TEX14: variants seen among roughly 807,000 people sequenced by gnomAD.
TEX14 encodes the protein testis expressed 14, intercellular bridge forming factor.
TEX14 carries 168 observed loss-of-function variants against 178.6 expected under a neutral mutation model. That is an observed-to-expected ratio of 0.94 (90% CI 0.83 to 1.07). TEX14 has a LOEUF of 1.07. Ranked by LOEUF, TEX14 falls within the 50% of genes least tolerant of loss-of-function variation. TEX14 has a pLI of 0.00. For synonymous variants in TEX14, 626 were observed against 634.1 expected, an observed-to-expected ratio of 0.99 and a Z score of 0.19; for missense variants, 1,730 against 1,753.6, an observed-to-expected ratio of 0.99 and a Z score of 0.24.
chr17:58,572,504 C>T lies in TEX14; in HGVS notation c.3512-378G>A, dbSNP rs930936615. Among the ~76,000 whole-genome samples the T allele has an allele frequency of 3.9e-5, 6 of 151,920 alleles. No homozygotes were observed. In the South Asian group the frequency reaches 6.2e-4, roughly 16 times the overall value. On this transcript the variant is annotated intron_variant, in intron 23 of 31. Transcript: ENST00000349033. The stretch of plus-strand genomic sequence containing the variant: ...AACATTAGCTGGGTGCGGTGGCGGG[C>T]GCCTGTAGTCCCAGCTACTCGGGAG...
In TEX14 at chr17:58,601,974, T is replaced by C. The variant is rs773830969; in HGVS notation, c.1528-18A>G. 6 of 1,612,154 alleles carry C rather than the reference T, an allele frequency of 3.7e-6. No individual in the cohort carries two copies. The highest frequency in any genetic ancestry group is 1.3e-5 in the African/African-American group (1 of 74,834). ...GTAAAATCCTGTAACACAGGAAATA[T>C]TGTCAAGGACATAGTCTCAGTCATC... On this transcript the variant is annotated intron_variant, in intron 12 of 31. Transcript: ENST00000349033.
intron 20 of TEX14, among the ~76,000 whole-genome samples, chr17:58,578,895 A>C (rs778173383): frequency 6.6e-6 from 1 of 152,356 alleles, no homozygotes; most frequent in African/African-American, 2.4e-5. Flanking sequence ...AGTTCATAAC[A>C]CTACGCTGTT....
At chr17:58,616,362 T>C (rs758553413) in intron 6 of TEX14, 57 bp from the exon 7 acceptor site, 9 of 1,578,952 alleles carry the variant, frequency 5.7e-6, no homozygotes, top group Non-Finnish European at 7.7e-6. Flanking sequence ...GCAGAATACA[T>C]CCAGAATCTT....
chr17:58,569,195 T>C lies in TEX14; in HGVS notation c.3883A>G (p.Ile1295Val). ...TTCTGTATTGAACATCTCTTACCAA[T>C]GTCATCAAGTAGCTCCTGAGATGGT... Reference protein sequence around the residue: ...PPPSQELLDDIELLKQQQGSS... With the variant: ...PPPSQELLDDVELLKQQQGSS... The change falls in exon 26 of 32, where the codon ATT (isoleucine) becomes GTT (valine). Residue 1295 changes from isoleucine to valine, a missense_variant. Physicochemically the swap from Ile to Val is conservative, Grantham distance 29 (BLOSUM62 3). This residue lies in a region of TEX14 where 941 missense variants were observed against 1,072.4 expected (regional missense o/e 0.88). Transcript: ENST00000349033. The surrounding 1 kb of genome is among the most constrained non-coding windows in gnomAD (Gnocchi z 4.1). The C allele has an allele frequency of 6.2e-7, 1 of 1,613,250 alleles. No homozygotes were observed. The highest frequency in any genetic ancestry group is 8.5e-7 in the Non-Finnish European group (1 of 1,179,212).
chr17:58,631,717 C>G lies in TEX14; in HGVS notation c.137-1163G>C, dbSNP rs1326061068. 6.7e-5 allele frequency: 10 copies of G among 150,154 alleles called. No homozygotes were observed. The South Asian group carries it at 1.5e-3, about 22-fold the overall frequency. 9.3% of individuals were successfully genotyped at this position (150,154 alleles called of 1,614,324 possible). ...AGTTAGAATAACGCAACACCAAACA[C>G]TGCTATCCCACTCGTGAGAGAACAC... On this transcript the variant is annotated intron_variant, in intron 2 of 31. Coordinates refer to ENST00000349033, the MANE Select transcript of TEX14 (RefSeq NM_031272.5).
chr17:58,648,375 A>T (rs2046761404), intron 2 of TEX14, among the ~76,000 whole-genome samples: 1 of 152,134 alleles, frequency 6.6e-6, no homozygotes. Context: ...CTTCCTTCAC[A>T]GGTAGAATCC....
At chr17:58,608,099 A>T (rs144226470) in intron 10 of TEX14, among the ~76,000 whole-genome samples, 2 of 152,132 alleles carry the variant, frequency 1.3e-5, no homozygotes, top group Non-Finnish European at 2.9e-5. Context: ...CCTGGGCAAC[A>T]TGGCGTGACC....
intron 23 of TEX14, 110 bp from the exon 24 acceptor site, chr17:58,572,236 G>A: frequency 1.5e-6 from 1 of 677,432 alleles, no homozygotes; most frequent in Non-Finnish European, 2.5e-6. Context: ...GTGCAGAAAT[G>A]AATCTTTTAC....
At chr17:58,684,258 A>C (rs1237854864) in intron 1 of TEX14, among the ~76,000 whole-genome samples, 1 of 151,010 alleles carries the variant, frequency 6.6e-6, no homozygotes, top group East Asian at 2.0e-4. Flanking sequence ...GGTCAGGAGC[A>C]TGAGACCAGC....
chr17:58,595,910 C>T (rs1001632559), intron 14 of TEX14, among the ~76,000 whole-genome samples: 5 of 152,210 alleles, frequency 3.3e-5, no homozygotes, highest in South Asian at 2.1e-4. Flanking sequence ...TCAGGCCGGG[C>T]GCGGTCGCTC....
chr17:58,615,953 G>A (rs1035670111), intron 7 of TEX14, among the ~76,000 whole-genome samples: 7 of 152,136 alleles, frequency 4.6e-5, no homozygotes, highest in Admixed American at 4.6e-4. Context: ...TAGAGACCAG[G>A]GACTTCTAAA....
In TEX14 at chr17:58,599,497, G is replaced by A; in HGVS notation, c.1848C>T (p.Ser616=). ...TCTCGTTGATTTCGAAACTGCAGAG[G>A]CTTGGCTGACCTGTGCTGGGGCTGC... The part of the protein sequence containing the change: ...EASSPSTGQP[S]LCSFEINEIY... The change falls in exon 14 of 32, where the codon AGC becomes AGT. Residue 616 remains serine (S), a synonymous_variant. Transcript: ENST00000349033. 6.3e-7 allele frequency: 1 copy of A among 1,598,130 alleles called. No homozygotes were observed.
At chr17:58,683,579 A>G (rs1293778242) in intron 1 of TEX14, among the ~76,000 whole-genome samples, 2 of 148,238 alleles carry the variant, frequency 1.3e-5, no homozygotes, top group African/African-American at 5.0e-5. Flanking sequence ...CCTGGTCAAC[A>G]TGGTGAAAAC....
chr17:58,569,175 T>C lies in TEX14; in HGVS notation c.3886+17A>G, dbSNP rs760507615. On this transcript the variant is annotated intron_variant, in intron 26 of 31. Coordinates refer to ENST00000349033, the MANE Select transcript of TEX14 (RefSeq NM_031272.5). This position sits in a 1 kb window ranked among gnomAD's most constrained non-coding sequence, Gnocchi z 4.1. Reference sequence around the variant, plus strand: ...TAACAGGGCCGAGAAGTATATTCTGTATTGAACATCTCTTACCAATGTCAT... The same window carrying C: ...TAACAGGGCCGAGAAGTATATTCTGCATTGAACATCTCTTACCAATGTCAT... The C allele has an allele frequency of 6.2e-7, 1 of 1,605,686 alleles. No individual in the cohort carries two copies. The highest frequency in any genetic ancestry group is 2.2e-5 in the East Asian group (1 of 44,838).
chr17:58,684,533 G>A (rs2047558425), intron 1 of TEX14, among the ~76,000 whole-genome samples: 1 of 151,594 alleles, frequency 6.6e-6, no homozygotes, highest in Admixed American at 6.6e-5. Flanking sequence ...TACTCTGGAG[G>A]CTGAGGCAGG....
intron 2 of TEX14, among the ~76,000 whole-genome samples, chr17:58,649,576 C>G (rs1000601930): frequency 6.6e-6 from 1 of 151,926 alleles, no homozygotes; most frequent in Non-Finnish European, 1.5e-5. Flanking sequence ...GAATATCAAG[C>G]ATTTGAAGAT....
chr17:58,587,135 G>A (rs1212535385), intron 17 of TEX14, among the ~76,000 whole-genome samples: 1 of 152,126 alleles, frequency 6.6e-6, no homozygotes, highest in Non-Finnish European at 1.5e-5. Context: ...TTAGAAGTAT[G>A]GTGATGTATT....
intron 17 of TEX14, among the ~76,000 whole-genome samples, chr17:58,587,161 G>A (rs1290156517): frequency 6.6e-6 from 1 of 152,156 alleles, no homozygotes; most frequent in South Asian, 2.1e-4. Flanking sequence ...CCAGAAATAT[G>A]CTATAGGAAC....
chr17:58,629,456 GAAA>G (rs969535540), intron 3 of TEX14, among the ~76,000 whole-genome samples: 2 of 79,788 alleles, frequency 2.5e-5, no homozygotes, highest in Admixed American at 1.4e-4. Context: ...CATGTGTCAG[GAAA>G]AAAAAAAAAA....
Sources: allele counts gnomAD v4.1 joint callset (sites outside exome capture counted in the v4.1 genomes callset), GRCh38; gene constraint gnomAD v4.1.1; regional missense constraint gnomAD v4.1.1; non-coding constraint Gnocchi (gnomAD v3.1); transcripts MANE v1.5; gene names NCBI Gene and HGNC (gene_info 2026-07-23, HGNC 2026-07-21).